The following MYO6 variants were observed in gnomAD, a reference collection of about 807,000 sequenced individuals.
MYO6 encodes the protein myosin VI.
A neutral mutation model predicts 178.7 loss-of-function variants in MYO6; 74 were observed. The observed-to-expected ratio is 0.41, with a 90% CI of 0.34 to 0.50. MYO6 has a LOEUF of 0.50. Among genes scored for constraint, MYO6 ranks in the 20% least tolerant of loss-of-function variants. The probability of loss-of-function intolerance (pLI) is 0.09; values close to 1 mark genes in which losing one functional copy is unlikely to be tolerated. For synonymous variants in MYO6, 477 were observed against 504.6 expected (o/e 0.95, Z 0.73); for missense variants, 1,330 against 1,547.4 (o/e 0.86, Z 2.36).
At chr6:75,840,457 C>G in intron 7 of MYO6, 128 bp from the exon 8 acceptor site, 1 of 719,370 alleles carries the variant, frequency 1.4e-6, no homozygotes, top group Non-Finnish European at 2.4e-6. Context: ...CACTGTGTCC[C>G]GCCCATGTTA....
intron 16 of MYO6, among the ~76,000 whole-genome samples, chr6:75,863,131 G>T (rs1776341140): frequency 6.6e-6 from 1 of 152,064 alleles, no homozygotes; most frequent in Non-Finnish European, 1.5e-5. Flanking sequence ...CTGTCTTCAT[G>T]GTCTCCCTTC....
At chr6:75,876,587 C>T (rs1324413916) in intron 20 of MYO6, among the ~76,000 whole-genome samples, 18 of 152,152 alleles carry the variant, frequency 1.2e-4, no homozygotes, top group Admixed American at 1.2e-3. Context: ...GCAAGTTGCA[C>T]CTGTTTAGAT....
intron 1 of MYO6, among the ~76,000 whole-genome samples, chr6:75,809,117 T>C (rs183349725): frequency 6.6e-6 from 1 of 152,314 alleles, no homozygotes; most frequent in East Asian, 1.9e-4. Context: ...GGAATTTCCA[T>C]GTGGGCAAAT....
chr6:75,791,132 A>G (rs1192157679), intron 1 of MYO6, among the ~76,000 whole-genome samples: 1 of 152,076 alleles, frequency 6.6e-6, no homozygotes, highest in Non-Finnish European at 1.5e-5. Flanking sequence ...TGGGGGTTTC[A>G]CCGTGTTAGC....
intron 3 of MYO6, 37 bp from the exon 4 acceptor site, chr6:75,828,503 T>C (rs1562216617): frequency 8.3e-7 from 1 of 1,206,520 alleles, no homozygotes; most frequent in Non-Finnish European, 1.2e-6. Context: ...ATTTGTTTTC[T>C]TCAATTCTCT....
At chr6:75,852,742 T>G (rs1412731843) in intron 11 of MYO6, among the ~76,000 whole-genome samples, 1 of 152,240 alleles carries the variant, frequency 6.6e-6, no homozygotes, top group African/African-American at 2.4e-5. Context: ...GTTTATCCAT[T>G]TGTCAGTTTC....
intron 30 of MYO6, among the ~76,000 whole-genome samples, chr6:75,905,388 C>G (rs1161655017): frequency 6.6e-6 from 1 of 152,246 alleles, no homozygotes; most frequent in Non-Finnish European, 1.5e-5. Flanking sequence ...GCGTAGGACC[C>G]TCCGAGCCAT....
Position 75,822,801 on chromosome 6 carries a change from A to AC in MYO6, c.139dup (p.Gln47ProfsTer10), listed in dbSNP as rs772758744. 2 of 1,613,564 alleles carry AC rather than the reference A, an allele frequency of 1.2e-6. No homozygotes were observed. Among genetic ancestry groups the AC allele is most frequent in the Admixed American group, 3.3e-5 (2 of 60,008 alleles). ...TGTTAGACATTTTTGGCTCTCATAAACCAAGTGTTTCCTGCAGAAGAGGAC... is the reference window on the plus strand; with the variant it reads ...TGTTAGACATTTTTGGCTCTCATAAACCCAAGTGTTTCCTGCAGAAGAGGAC... On this transcript the variant is annotated frameshift_variant, in exon 3 of 35. Coordinates refer to ENST00000369977, the MANE Select transcript of MYO6 (RefSeq NM_004999.4). LOFTEE classifies it high-confidence loss of function.
At chr6:75,910,564 T>C (rs1203228916) in intron 32 of MYO6, among the ~76,000 whole-genome samples, 1 of 152,102 alleles carries the variant, frequency 6.6e-6, no homozygotes, top group Non-Finnish European at 1.5e-5. Context: ...TCTATCAAGG[T>C]TTATGGACAA....
chr6:75,758,017 G>C (rs184893489), intron 1 of MYO6, among the ~76,000 whole-genome samples: 138 of 99,600 alleles, frequency 1.4e-3, no homozygotes, highest in African/African-American at 5.4e-3. Flanking sequence ...TCGTTCTGTT[G>C]CCCAGGCTGG....
At chr6:75,868,693 A>T (rs931698719) in intron 18 of MYO6, among the ~76,000 whole-genome samples, 2 of 152,286 alleles carry the variant, frequency 1.3e-5, no homozygotes, top group South Asian at 4.1e-4. Context: ...ATAGTAGAAT[A>T]GCTCATTAAA....
rs376141694 is a variant in MYO6 at position 75,784,843 on chromosome 6, C to CG, written c.-47-32654dup. 7.2e-4 allele frequency among the ~76,000 whole-genome samples: 102 copies of CG among 142,174 alleles called. 1 individual carries two copies. The highest frequency in any genetic ancestry group is 2.6e-3 in the African/African-American group (97 of 37,596). 93.3% of individuals were successfully genotyped at this position (142,174 alleles called of 152,430 possible). ...GGAATAAAGTATCAGCTGAAGATTG[C>CG]GGGGTGTAGCTTTAGTTTGAAACTT... On this transcript the variant is annotated intron_variant, in intron 1 of 34. Coordinates refer to ENST00000369977, the MANE Select transcript of MYO6 (RefSeq NM_004999.4).
intron 1 of MYO6, among the ~76,000 whole-genome samples, chr6:75,801,478 G>GT (rs1472456696): frequency 6.6e-6 from 1 of 152,146 alleles, no homozygotes; most frequent in African/African-American, 2.4e-5. Context: ...AAGGAAGACT[G>GT]TATGGGCACA....
chr6:75,773,171 C>T (rs1277553622), intron 1 of MYO6, among the ~76,000 whole-genome samples: 3 of 152,122 alleles, frequency 2.0e-5, no homozygotes, highest in Non-Finnish European at 2.9e-5. Context: ...TTCTGGTAGG[C>T]AGGCTGTTTA....
intron 1 of MYO6, among the ~76,000 whole-genome samples, chr6:75,769,963 G>GCTA (rs1765707098): frequency 6.6e-6 from 1 of 152,110 alleles, no homozygotes; most frequent in Admixed American, 6.5e-5. Flanking sequence ...GATGCAAACT[G>GCTA]CTAGTGGTTC....
At chr6:75,903,184 G>A (rs1369679877) in intron 30 of MYO6, among the ~76,000 whole-genome samples, 1 of 151,810 alleles carries the variant, frequency 6.6e-6, no homozygotes, top group Non-Finnish European at 1.5e-5. Context: ...GTGTGGTGCT[G>A]AAAAAAATGT....
chr6:75,768,841 T>C (rs1172440543), intron 1 of MYO6, among the ~76,000 whole-genome samples: 1 of 152,148 alleles, frequency 6.6e-6, no homozygotes, highest in African/African-American at 2.4e-5. Context: ...TGCCTGAGAC[T>C]GAGTAATTTA....
chr6:75,841,303 C>G lies in MYO6; in HGVS notation c.741C>G (p.Ile247Met), dbSNP rs755566058. ...VQGKEERNYH[I>M]FYRLCAGASE... ...GCAAAGAGGAAAGAAATTATCATAT[C>G]TTTTATAGGTTGTGTGCTGGTGCTT... The change falls in exon 9 of 35, where the codon ATC becomes ATG. Residue 247 changes from isoleucine (I) to methionine (M), a missense_variant. Coordinates refer to ENST00000369977, the MANE Select transcript of MYO6 (RefSeq NM_004999.4). The G allele has an allele frequency of 5.6e-6, 9 of 1,613,764 alleles. No homozygotes were observed. The highest frequency in any genetic ancestry group is 6.8e-6 in the Non-Finnish European group (8 of 1,179,920).
intron 18 of MYO6, among the ~76,000 whole-genome samples, chr6:75,870,285 CTG>C (rs749603231): frequency 6.6e-6 from 1 of 152,194 alleles, no homozygotes; most frequent in Non-Finnish European, 1.5e-5. Flanking sequence ...CATTCAAAGA[CTG>C]TGCTATTGAT....
Sources: allele counts gnomAD v4.1 joint callset (sites outside exome capture counted in the v4.1 genomes callset), GRCh38; gene constraint gnomAD v4.1.1; transcripts MANE v1.5; gene names NCBI Gene and HGNC (gene_info 2026-07-23, HGNC 2026-07-21).